Variants in HUWE1 observed in about 807,000 individuals in gnomAD.
HUWE1 encodes HECT, UBA and WWE domain containing E3 ubiquitin protein ligase 1.
Under a neutral mutation model 299.4 loss-of-function variants are expected in HUWE1, and 18 were observed. The ratio of observed to expected loss-of-function variants is 0.06; its 90% confidence interval spans 0.04 to 0.09. The LOEUF (loss-of-function observed/expected upper bound fraction) is 0.09, where lower values mean the gene tolerates loss of function less well. Among genes scored for constraint, HUWE1 ranks in the 10% least tolerant of loss-of-function variants. The probability of loss-of-function intolerance (pLI) is 1.00; values close to 1 mark genes in which losing one functional copy is unlikely to be tolerated. For synonymous variants in HUWE1, 1,317 were observed against 1,286.1 expected (o/e 1.02, Z -0.51); for missense variants, 1,832 against 3,462.3 (o/e 0.53, Z 11.82).
intron 23 of HUWE1, among the ~76,000 whole-genome samples, chrX:53,611,291 C>T (rs1557001985): frequency 9.2e-6 from 1 of 108,576 alleles, no homozygotes; most frequent in Non-Finnish European, 1.9e-5. Flanking sequence ...ATACAATTAT[C>T]ACATAACAGA....
At chrX:53,620,322 T>C (rs1557011254) in intron 19 of HUWE1, among the ~76,000 whole-genome samples, 1 of 108,054 alleles carries the variant, frequency 9.3e-6, no homozygotes, top group Non-Finnish European at 1.9e-5. Context: ...GGGGTGCAAT[T>C]ATAGCTCACT....
chrX:53,535,278 T>C (rs781870561), intron 81 of HUWE1, 106 bp downstream of exon 81: 7 of 577,951 alleles, frequency 1.2e-5, no homozygotes, highest in African/African-American at 4.4e-5. Context: ...TGCAAGGCAT[T>C]TGTGGCTCTG....
chrX:53,666,960 A>T (rs2069279024), intron 3 of HUWE1, among the ~76,000 whole-genome samples: 1 of 112,544 alleles, frequency 8.9e-6, no homozygotes, highest in African/African-American at 3.2e-5. Flanking sequence ...AAAACAATTT[A>T]GATTCATTTA....
intron 66 of HUWE1, among the ~76,000 whole-genome samples, chrX:53,549,903 C>A (rs2061698813): frequency 1.8e-5 from 2 of 110,062 alleles, no homozygotes; most frequent in South Asian, 8.0e-4. Context: ...CTAGTGCGCG[C>A]CACCACACCC....
intron 29 of HUWE1, among the ~76,000 whole-genome samples, chrX:53,598,979 A>G (rs1237010069): frequency 1.8e-5 from 2 of 112,641 alleles, no homozygotes; most frequent in East Asian, 2.8e-4. Flanking sequence ...ATTAGGGAAT[A>G]GTCTACAGAT....
At chrX:53,565,293 A>G in intron 49 of HUWE1, 54 bp from the exon 50 acceptor site, 3 of 1,021,027 alleles carry the variant, frequency 2.9e-6, no homozygotes, top group Admixed American at 5.1e-5. Context: ...CTAGGTGTCT[A>G]TCTTCTAAAT....
At chrX:53,643,638 C>T (rs1247879080) in intron 7 of HUWE1, among the ~76,000 whole-genome samples, 1 of 111,529 alleles carries the variant, frequency 9.0e-6, no homozygotes, top group Non-Finnish European at 1.9e-5. Context: ...AGGCGTGAGC[C>T]ACCACGCCTG....
intron 7 of HUWE1, among the ~76,000 whole-genome samples, chrX:53,644,328 G>A (rs1557033758): frequency 2.7e-5 from 3 of 112,061 alleles, no homozygotes; most frequent in Non-Finnish European, 5.6e-5. Context: ...TTGTTAATGA[G>A]ATAAATTTTA....
At chrX:53,571,095 T>TATTACCA (rs2062804347) in intron 47 of HUWE1, among the ~76,000 whole-genome samples, 2 of 112,268 alleles carry the variant, frequency 1.8e-5, no homozygotes, top group Non-Finnish European at 3.8e-5. Flanking sequence ...CTTACCTCTT[T>TATTACCA]GAGCCTTCTC....
intron 47 of HUWE1, among the ~76,000 whole-genome samples, chrX:53,572,723 C>G (rs1480626581): frequency 1.8e-5 from 2 of 112,018 alleles, no homozygotes; most frequent in Non-Finnish European, 3.8e-5. Flanking sequence ...TAAGGCTTTT[C>G]CTTTATTTTT....
In HUWE1 at chrX:53,589,653, T is replaced by A. The variant is rs2064048627; in HGVS notation, c.4355A>T (p.Asp1452Val). The change falls in exon 36 of 84, where the codon GAT (aspartate) becomes GTT (valine). Residue 1452 changes from aspartate to valine, a missense_variant. Transcript: ENST00000262854. ...TMLPGCFHLLDELPDTVYRVC... is the reference protein window; with the variant it reads ...TMLPGCFHLLVELPDTVYRVC... ...ACGGTATACTGTGTCTGGCAGCTCA[T>A]CAAGAAGGTGGAAGCAGCCTGGCAA... 1 of 1,209,576 alleles carries A rather than the reference T, an allele frequency of 8.3e-7. No individual in the cohort carries two copies. The highest frequency in any genetic ancestry group is 1.1e-6 in the Non-Finnish European group (1 of 895,095).
At chrX:53,562,736 C>CA in intron 53 of HUWE1, 95 bp downstream of exon 53, 1 of 649,254 alleles carries the variant, frequency 1.5e-6, no homozygotes, top group Non-Finnish European at 2.6e-6. Context: ...CCTTATTCTG[C>CA]ACATGTGGGC....
intron 43 of HUWE1, among the ~76,000 whole-genome samples, chrX:53,577,468 A>ACAAAAAAAC (rs1233556680): frequency 1.0e-5 from 1 of 98,389 alleles, no homozygotes; most frequent in African/African-American, 3.7e-5. Flanking sequence ...AAAAAAAAAA[A>ACAAAAAAAC]AAAAAAAACT....
Position 53,583,762 on chromosome X carries a change from T to A in HUWE1, c.5316A>T (p.Pro1772=). 1 of 1,210,992 alleles carries A rather than the reference T, an allele frequency of 8.3e-7. No individual in the cohort carries two copies. The highest frequency in any genetic ancestry group is 1.1e-6 in the Non-Finnish European group (1 of 895,088). ...CVSMLGVPVD[P]DTLHATLRLC... ...GACGAAGGGTGGCATGCAAAGTATC[T>A]GGGTCCACAGGGACTCCCAGCATGC... Residue 1772 remains proline, a synonymous_variant, in exon 42 of 84, where the codon CCA becomes CCT. Coordinates refer to ENST00000262854, the MANE Select transcript of HUWE1 (RefSeq NM_031407.7).
In HUWE1 at chrX:53,552,715, C is replaced by T; in HGVS notation, c.8673G>A (p.Gly2891=). 8.3e-7 allele frequency: 1 copy of T among 1,211,737 alleles called. No individual in the cohort carries two copies. The highest frequency in any genetic ancestry group is 1.1e-6 in the Non-Finnish European group (1 of 895,348). The part of the protein sequence containing the change: ...EQPRAGSSTP[G]DAPPAVAEVQ... ...CTTCCGCCACAGCTGGTGGGGCATCCCCAGGAGTGGAGCTGCCTGCTCTGG... is the reference window on the plus strand; with the variant it reads ...CTTCCGCCACAGCTGGTGGGGCATCTCCAGGAGTGGAGCTGCCTGCTCTGG... The change falls in exon 62 of 84, where the codon GGG becomes GGA. Residue 2891 remains glycine (G), a synonymous_variant. Coordinates refer to ENST00000262854, the MANE Select transcript of HUWE1 (RefSeq NM_031407.7).
chrX:53,569,095 A>T lies in HUWE1; in HGVS notation c.6525-221T>A, dbSNP rs782198427. Reference sequence around the variant, plus strand: ...GTAGCAGGGTGGAGTACAGTGGCGCAATCTTGGCTCACTGCAACCTTCCTG... The same window carrying T: ...GTAGCAGGGTGGAGTACAGTGGCGCTATCTTGGCTCACTGCAACCTTCCTG... On this transcript the variant is annotated intron_variant, in intron 48 of 83. Coordinates refer to ENST00000262854, the MANE Select transcript of HUWE1 (RefSeq NM_031407.7). 5.4e-5 allele frequency among the ~76,000 whole-genome samples: 6 copies of T among 111,874 alleles called. No homozygotes were observed. The South Asian group carries it at 2.2e-3, about 42-fold the overall frequency.
chrX:53,614,116 T>C (rs1411852204), intron 23 of HUWE1, among the ~76,000 whole-genome samples: 1 of 110,338 alleles, frequency 9.1e-6, no homozygotes, highest in Non-Finnish European at 1.9e-5. Context: ...AATACAAAAA[T>C]TAGCCAAGTG....
intron 13 of HUWE1, among the ~76,000 whole-genome samples, chrX:53,629,292 T>C (rs1018180133): frequency 9.0e-6 from 1 of 111,523 alleles, no homozygotes; most frequent in Non-Finnish European, 1.9e-5. Context: ...ACAGTTAAAA[T>C]GCACAAAATT....
At chrX:53,543,267 C>A (rs1317147225) in intron 73 of HUWE1, among the ~76,000 whole-genome samples, 1 of 110,937 alleles carries the variant, frequency 9.0e-6, no homozygotes, top group Non-Finnish European at 1.9e-5. Flanking sequence ...ACAGCATACA[C>A]ATGTGATGCC....
Sources: gnomAD v4.1 joint callset for allele counts (sites outside exome capture counted in the v4.1 genomes callset) on GRCh38, gnomAD v4.1.1 for gene constraint, MANE v1.5 for transcripts, NCBI Gene and HGNC (gene_info 2026-07-23, HGNC 2026-07-21) for gene names.